The following ARHGAP24 variants were observed in gnomAD, a reference collection of about 807,000 sequenced individuals.
ARHGAP24 encodes the protein Rho GTPase activating protein 24.
ARHGAP24 carries 50 observed loss-of-function variants against 76.4 expected under a neutral mutation model. That is an observed-to-expected ratio of 0.65 (90% CI 0.52 to 0.83). The LOEUF is 0.83. ARHGAP24 is among the 40% of genes least tolerant of loss of function. ARHGAP24 has a pLI of 0.00. For synonymous variants in ARHGAP24, 345 were observed against 323.3 expected, an observed-to-expected ratio of 1.07 and a Z score of -0.72; for missense variants, 930 against 914.2, an observed-to-expected ratio of 1.02 and a Z score of -0.22.
chr4:85,803,948 C>CT (rs1728683325), intron 3 of ARHGAP24, among the ~76,000 whole-genome samples: 1 of 141,058 alleles, frequency 7.1e-6, no homozygotes, highest in Admixed American at 7.2e-5. Flanking sequence ...TTTTCTTTTT[C>CT]TTTTTCTTTT....
At chr4:85,829,396 A>G (rs913747715) in intron 3 of ARHGAP24, among the ~76,000 whole-genome samples, 1 of 152,196 alleles carries the variant, frequency 6.6e-6, no homozygotes, top group African/African-American at 2.4e-5. Flanking sequence ...CTAATACTGT[A>G]AACTAGATCG....
intron 3 of ARHGAP24, among the ~76,000 whole-genome samples, chr4:85,915,953 G>A (rs978654784): frequency 1.3e-5 from 2 of 152,128 alleles, no homozygotes; most frequent in Admixed American, 6.5e-5. Flanking sequence ...GGGTTGCTGG[G>A]TCAAACGGCA....
chr4:85,831,328 T>C (rs570506814), intron 3 of ARHGAP24, among the ~76,000 whole-genome samples: 1 of 152,172 alleles, frequency 6.6e-6, no homozygotes, highest in Admixed American at 6.5e-5. Context: ...CAAGGAACCA[T>C]CAATAAAAAT....
Position 85,647,641 on chromosome 4 carries a change from C to G in ARHGAP24, c.181-74244C>G, listed in dbSNP as rs190004409. ...AATGAATGTAGAATTGAATTTTCAT[C>G]TTAACAACTCTACAGTAGTTGATCA... On this transcript the variant is annotated intron_variant, in intron 2 of 9. Coordinates refer to ENST00000395184, the MANE Select transcript of ARHGAP24 (RefSeq NM_001025616.3). Among the ~76,000 whole-genome samples, 479 of 152,222 alleles carry G rather than the reference C, an allele frequency of 3.1e-3. 3 individuals are homozygous for G. Among genetic ancestry groups the G allele is most frequent in the Non-Finnish European group, 4.7e-3 (321 of 67,996 alleles).
intron 1 of ARHGAP24, among the ~76,000 whole-genome samples, chr4:85,515,216 T>C (rs1396488701): frequency 3.9e-5 from 6 of 152,126 alleles, no homozygotes; most frequent in Non-Finnish European, 7.4e-5. Context: ...AGCAGAGAAG[T>C]ATTTTTGTTT....
intron 3 of ARHGAP24, among the ~76,000 whole-genome samples, chr4:85,752,064 C>T (rs1275599039): frequency 2.0e-5 from 3 of 152,056 alleles, no homozygotes; most frequent in Non-Finnish European, 2.9e-5. Flanking sequence ...TGCCACTCCT[C>T]GCCACATAGC....
intron 5 of ARHGAP24, among the ~76,000 whole-genome samples, chr4:85,950,649 T>C (rs2148831951): frequency 6.6e-6 from 1 of 151,002 alleles, no homozygotes; most frequent in Non-Finnish European, 1.5e-5. Context: ...TTTCTTTTAC[T>C]TTTATTTTTT....
At chr4:85,494,639 C>T (rs1196627341) in intron 1 of ARHGAP24, among the ~76,000 whole-genome samples, 1 of 150,774 alleles carries the variant, frequency 6.6e-6, no homozygotes, top group Non-Finnish European at 1.5e-5. Flanking sequence ...CAAGATTGCA[C>T]CATTGCACTC....
chr4:85,617,786 T>G (rs377107877), intron 2 of ARHGAP24, among the ~76,000 whole-genome samples: 1 of 152,178 alleles, frequency 6.6e-6, no homozygotes, highest in East Asian at 1.9e-4. Context: ...CTATGGAAAT[T>G]TTATCAATTT....
At chr4:85,637,624 A>C (rs1461946209) in intron 2 of ARHGAP24, among the ~76,000 whole-genome samples, 1 of 152,066 alleles carries the variant, frequency 6.6e-6, no homozygotes, top group African/African-American at 2.4e-5. Flanking sequence ...TGATTTCAAA[A>C]ACTTTCTACA....
intron 2 of ARHGAP24, among the ~76,000 whole-genome samples, chr4:85,631,866 T>C (rs1345434862): frequency 6.6e-6 from 1 of 152,070 alleles, no homozygotes; most frequent in Non-Finnish European, 1.5e-5. Context: ...GAGGTCAGAC[T>C]GATTTTTAGC....
chr4:85,573,488 G>A (rs1220834769), intron 2 of ARHGAP24, among the ~76,000 whole-genome samples: 3 of 152,170 alleles, frequency 2.0e-5, no homozygotes, highest in African/African-American at 7.2e-5. Context: ...CTAGAGCCAT[G>A]CAGCAGCAGG....
chr4:85,851,226 A>G (rs62315464), intron 3 of ARHGAP24, among the ~76,000 whole-genome samples: 8,537 of 152,118 alleles, frequency 0.056, 354 homozygotes, highest in Non-Finnish European at 0.086. Flanking sequence ...GTCTCTTTTG[A>G]TCTTTTTGGT....
Position 85,503,827 on chromosome 4 carries a change from C to T in ARHGAP24, c.-21+28268C>T, listed in dbSNP as rs149775322. Among the ~76,000 whole-genome samples the T allele has an allele frequency of 4.2e-3, 633 of 152,304 alleles. 5 individuals are homozygous for T. The highest frequency in any genetic ancestry group is 0.013 in the African/African-American group (561 of 41,558). On this transcript the variant is annotated intron_variant, in intron 1 of 9. Coordinates refer to ENST00000395184, the MANE Select transcript of ARHGAP24 (RefSeq NM_001025616.3). Reference sequence around the variant, plus strand: ...TGATGTTAGGGTGTCAATTTTAGATCGTTCCTGCTTTCTCTTGTGGGCATT... The same window carrying T: ...TGATGTTAGGGTGTCAATTTTAGATTGTTCCTGCTTTCTCTTGTGGGCATT...
At chr4:85,659,503 A>G (rs1560573185) in intron 2 of ARHGAP24, among the ~76,000 whole-genome samples, 2 of 152,256 alleles carry the variant, frequency 1.3e-5, no homozygotes, top group African/African-American at 2.4e-5. Flanking sequence ...AAGGCCTAAC[A>G]TAGCTTCTGG....
intron 7 of ARHGAP24, among the ~76,000 whole-genome samples, chr4:85,975,179 C>T (rs1363669908): frequency 6.6e-6 from 1 of 152,214 alleles, no homozygotes; most frequent in East Asian, 1.9e-4. Flanking sequence ...CTTGCCTCTA[C>T]ACACTAAAGA....
chr4:85,593,012 G>GT (rs1368382158), intron 2 of ARHGAP24, among the ~76,000 whole-genome samples: 2 of 152,010 alleles, frequency 1.3e-5, no homozygotes, highest in Non-Finnish European at 2.9e-5. Context: ...TTTATTTTTA[G>GT]TTTTTTAGGA....
At position 86,000,474 on chromosome 4, in the gene ARHGAP24, TG is replaced by T. The variant is rs1740949962; in HGVS notation, c.2004-4del. The T allele has an allele frequency of 7.0e-6, 8 of 1,148,538 alleles. No individual in the cohort carries two copies. The highest frequency in any genetic ancestry group is 9.7e-6 in the Non-Finnish European group (8 of 826,804). The allele number at this position is 1,148,538 out of a possible 1,614,324, so 71.1% of individuals were successfully genotyped here. On this transcript the variant is annotated splice_region_variant and splice_polypyrimidine_tract_variant and intron_variant, in intron 9 of 9. Coordinates refer to ENST00000395184, the MANE Select transcript of ARHGAP24 (RefSeq NM_001025616.3). The stretch of plus-strand genomic sequence containing the variant: ...ACCCCCCACCCCCCCCAACATCCTT[TG>T]TAGCTTAGAACAGCGAAACTTGACT...
chr4:85,712,167 A>G (rs1395641116), intron 2 of ARHGAP24, among the ~76,000 whole-genome samples: 1 of 152,176 alleles, frequency 6.6e-6, no homozygotes. Flanking sequence ...TTCTTGCCAC[A>G]GATACTCTGC....
Sources: gnomAD v4.1 joint callset for allele counts (sites outside exome capture counted in the v4.1 genomes callset) on GRCh38, gnomAD v4.1.1 for gene constraint, MANE v1.5 for transcripts, NCBI Gene and HGNC (gene_info 2026-07-23, HGNC 2026-07-21) for gene names.